Variants in DNAAF9 observed in about 807,000 individuals in gnomAD.
DNAAF9 encodes the protein dynein axonemal assembly factor 9.
In DNAAF9, 90 loss-of-function variants were observed where a neutral mutation model predicts 167.0. The ratio of observed to expected loss-of-function variants is 0.54; its 90% CI spans 0.45 to 0.64. The LOEUF is 0.64. DNAAF9 is among the 30% of genes least tolerant of loss of function. DNAAF9 has a pLI of 0.00. For missense variants in DNAAF9, 1,315 were observed against 1,442.2 expected (o/e 0.91, Z 1.43); for synonymous variants, 491 against 508.8 (o/e 0.96, Z 0.47).
At chr20:3,310,365 G>GAAAGAAAGAAAGA (rs2069388798) in intron 20 of DNAAF9, among the ~76,000 whole-genome samples, 1 of 150,862 alleles carries the variant, frequency 6.6e-6, no homozygotes, top group African/African-American at 2.4e-5. Context: ...AAGAAAGAAA[G>GAAAGAAAGAAAGA]AAAGAAAGAA....
chr20:3,293,666 C>CAAAAAAAAAAAA (rs71195830), intron 25 of DNAAF9, among the ~76,000 whole-genome samples: 3 of 85,606 alleles, frequency 3.5e-5, no homozygotes. Flanking sequence ...GCCTGGGTGA[C>CAAAAAAAAAAAA]AAAAAAAAAA....
At chr20:3,404,621 T>C (rs1405754007) in intron 1 of DNAAF9, among the ~76,000 whole-genome samples, 1 of 152,198 alleles carries the variant, frequency 6.6e-6, no homozygotes, top group East Asian at 1.9e-4. Flanking sequence ...ATTTCTACTG[T>C]TACTGTCTCT....
intron 29 of DNAAF9, among the ~76,000 whole-genome samples, chr20:3,273,455 C>T (rs955365603): frequency 2.6e-5 from 4 of 152,064 alleles, no homozygotes; most frequent in Admixed American, 1.3e-4. Context: ...GGAAGCGTGG[C>T]GCTGGCATCG....
At position 3,256,221 on chromosome 20, in the gene DNAAF9, G is replaced by A; in HGVS notation, c.3056-10C>T. On this transcript the variant is annotated splice_polypyrimidine_tract_variant and intron_variant, in intron 33 of 36. Transcript: ENST00000252032. The stretch of plus-strand genomic sequence containing the variant: ...ATGGTCCTCTCAGAGTCTGTAAGGA[G>A]AATACACATTAGTCCCTGAGAGCCT... 6.3e-7 allele frequency: 1 copy of A among 1,594,864 alleles called. No homozygotes were observed. The highest frequency in any genetic ancestry group is 8.6e-7 in the Non-Finnish European group (1 of 1,162,506).
At chr20:3,363,484 A>C (rs1014124788) in intron 6 of DNAAF9, among the ~76,000 whole-genome samples, 7 of 151,930 alleles carry the variant, frequency 4.6e-5, no homozygotes, top group African/African-American at 1.7e-4. Flanking sequence ...AAAACTAAAA[A>C]ATAAAAACGA....
intron 29 of DNAAF9, among the ~76,000 whole-genome samples, chr20:3,273,946 T>C (rs1438558185): frequency 2.0e-5 from 3 of 152,030 alleles, no homozygotes; most frequent in Non-Finnish European, 2.9e-5. Flanking sequence ...CTGCACCTTT[T>C]CCCCCCACTT....
chr20:3,339,296 T>A (rs529624835), intron 10 of DNAAF9, among the ~76,000 whole-genome samples: 1 of 152,228 alleles, frequency 6.6e-6, no homozygotes. Flanking sequence ...GTTCTGATAG[T>A]CGCACTGTCT....
chr20:3,306,761 C>T (rs1004947294), intron 20 of DNAAF9: 1 of 231,780 alleles, frequency 4.3e-6, no homozygotes, highest in Non-Finnish European at 7.1e-6. Context: ...CAGTGCTGCC[C>T]CGTAGCCTGT....
intron 3 of DNAAF9, among the ~76,000 whole-genome samples, chr20:3,378,503 A>T (rs529535115): frequency 6.6e-6 from 1 of 152,344 alleles, no homozygotes; most frequent in Admixed American, 6.5e-5. Flanking sequence ...AAACCTAGGT[A>T]AATGGAAGAG....
chr20:3,382,342 A>T, intron 2 of DNAAF9, 85 bp downstream of exon 2: 1 of 986,904 alleles, frequency 1.0e-6, no homozygotes, highest in Non-Finnish European at 1.6e-6. Flanking sequence ...CTTATTTCAC[A>T]TTGCTACTAT....
chr20:3,395,056 C>T (rs2083886045), intron 1 of DNAAF9, among the ~76,000 whole-genome samples: 1 of 145,554 alleles, frequency 6.9e-6, no homozygotes, highest in Non-Finnish European at 1.5e-5. Flanking sequence ...CAAGCTCCGC[C>T]TCCCGGGTTC....
chr20:3,288,244 G>A (rs1425592543), intron 26 of DNAAF9, among the ~76,000 whole-genome samples: 1 of 152,196 alleles, frequency 6.6e-6, no homozygotes, highest in Non-Finnish European at 1.5e-5. Context: ...GAAGTCGGGA[G>A]GTTCAAGACC....
Position 3,403,762 on chromosome 20 carries a change from A to G in DNAAF9, c.83+3713T>C, listed in dbSNP as rs571962764. ...TAACCATCCTCAAAAGAACATCAAT[A>G]TGACTGTCTATATTCAGTGTCTTCA... is the stretch of plus-strand genomic sequence containing the variant. On this transcript the variant is annotated intron_variant, in intron 1 of 36. Transcript: ENST00000252032. Among the ~76,000 whole-genome samples the G allele has an allele frequency of 2.0e-5, 3 of 152,200 alleles. No homozygotes were observed. In the East Asian group the frequency reaches 5.8e-4, roughly 29 times the overall value.
At chr20:3,357,605 A>G (rs1337819242) in intron 7 of DNAAF9, among the ~76,000 whole-genome samples, 1 of 150,654 alleles carries the variant, frequency 6.6e-6, no homozygotes, top group Non-Finnish European at 1.5e-5. Context: ...TCTTTTTCCT[A>G]ATCCCTCCTT....
At position 3,352,209 on chromosome 20, in the gene DNAAF9, G is replaced by A. The variant is rs376589764; in HGVS notation, c.691-3586C>T. On this transcript the variant is annotated intron_variant, in intron 7 of 36. Coordinates refer to ENST00000252032, the MANE Select transcript of DNAAF9 (RefSeq NM_001009984.3). ...CATAGTATTTTGTATATAGAAATGC[G>A]CATGTACTTGTAACTGGTAATCTGC... Among the ~76,000 whole-genome samples the A allele has an allele frequency of 9.7e-4, 147 of 152,244 alleles. 1 individual carries two copies. In the South Asian group the frequency reaches 0.017, roughly 18 times the overall value.
At chr20:3,391,722 A>G (rs1158052384) in intron 1 of DNAAF9, among the ~76,000 whole-genome samples, 1 of 151,904 alleles carries the variant, frequency 6.6e-6, no homozygotes, top group Non-Finnish European at 1.5e-5. Flanking sequence ...CTAGGATTAC[A>G]GGCATGCGCA....
chr20:3,340,540 T>C lies in DNAAF9; in HGVS notation c.945A>G (p.Arg315=), dbSNP rs1458092513. The stretch of plus-strand genomic sequence containing the variant: ...CAAAGCTCCCGCCGGGACCAGTGCT[T>C]CGTACCAGATGTCCTTCAGAAGGGA... ...FNFPSEGHLV[R]STGPGGSFAK... Residue 315 remains arginine (R), a synonymous_variant, in exon 10 of 37, where the codon CGA becomes CGG. Coordinates refer to ENST00000252032, the MANE Select transcript of DNAAF9 (RefSeq NM_001009984.3). 8 of 1,601,012 alleles carry C rather than the reference T, an allele frequency of 5.0e-6. No individual in the cohort carries two copies.
At chr20:3,289,455 A>C (rs1293249028) in intron 26 of DNAAF9, among the ~76,000 whole-genome samples, 2 of 151,776 alleles carry the variant, frequency 1.3e-5, no homozygotes, top group Non-Finnish European at 2.9e-5. Context: ...TAAAAACAAA[A>C]CAGAAAACTG....
At chr20:3,369,454 G>GC (rs2083480340) in intron 6 of DNAAF9, among the ~76,000 whole-genome samples, 1 of 150,822 alleles carries the variant, frequency 6.6e-6, no homozygotes, top group Non-Finnish European at 1.5e-5. Flanking sequence ...TCAGCTCACT[G>GC]CAACCCCCAC....
Sources: allele counts gnomAD v4.1 joint callset (sites outside exome capture counted in the v4.1 genomes callset), GRCh38; gene constraint gnomAD v4.1.1; transcripts MANE v1.5; gene names NCBI Gene and HGNC (gene_info 2026-07-23, HGNC 2026-07-21).